NBEA: variants seen among roughly 807,000 people sequenced by gnomAD.
NBEA encodes the protein neurobeachin.
In NBEA, 44 loss-of-function variants were observed where a neutral mutation model predicts 343.4. The observed-to-expected ratio is 0.13, with a 90% CI of 0.10 to 0.16. The LOEUF (loss-of-function observed/expected upper bound fraction) is 0.16, where lower values mean the gene tolerates loss of function less well. NBEA is among the 10% of genes least tolerant of loss of function. The pLI is 1.00. For missense variants in NBEA, 2,555 were observed against 3,631.3 expected (o/e 0.70, Z 7.62); for synonymous variants, 1,175 against 1,238.7 (o/e 0.95, Z 1.08).
At chr13:35,355,259 T>A (rs2040428224) in intron 38 of NBEA, among the ~76,000 whole-genome samples, 1 of 151,768 alleles carries the variant, frequency 6.6e-6, no homozygotes, top group Non-Finnish European at 1.5e-5. Flanking sequence ...ATATAGTCTT[T>A]CTTTTTATAT....
intron 8 of NBEA, among the ~76,000 whole-genome samples, chr13:35,066,665 T>A (rs2063664313): frequency 6.6e-6 from 1 of 152,078 alleles, no homozygotes; most frequent in Admixed American, 6.6e-5. Flanking sequence ...TAAATATGTT[T>A]TTATCTTTGA....
At chr13:35,079,246 T>C (rs908455062) in intron 10 of NBEA, among the ~76,000 whole-genome samples, 1 of 152,162 alleles carries the variant, frequency 6.6e-6, no homozygotes, top group African/African-American at 2.4e-5. Flanking sequence ...ACAAAGAATG[T>C]TTTTCTAATT....
intron 48 of NBEA, among the ~76,000 whole-genome samples, chr13:35,613,459 A>C (rs1020329222): frequency 6.6e-6 from 1 of 152,122 alleles, no homozygotes; most frequent in African/African-American, 2.4e-5. Context: ...GTTGGTAGAC[A>C]CTTAGGTTGC....
chr13:35,418,542 G>A (rs2152921975), intron 38 of NBEA, among the ~76,000 whole-genome samples: 1 of 152,018 alleles, frequency 6.6e-6, no homozygotes, highest in East Asian at 1.9e-4. Context: ...TGAGAATATT[G>A]CCTAACACAA....
chr13:35,263,987 T>G (rs1037356571), intron 34 of NBEA, among the ~76,000 whole-genome samples: 7 of 131,724 alleles, frequency 5.3e-5, no homozygotes, highest in Non-Finnish European at 9.0e-5. Context: ...CAAAGAGTTG[T>G]TTTTTTTTTA....
chr13:35,282,425 A>T (rs2152812132), intron 34 of NBEA, among the ~76,000 whole-genome samples: 1 of 152,302 alleles, frequency 6.6e-6, no homozygotes, highest in African/African-American at 2.4e-5. Flanking sequence ...TTTGAACCAG[A>T]CATAGGTTAG....
At chr13:35,474,788 T>C in intron 41 of NBEA, 1 of 398,966 alleles carries the variant, frequency 2.5e-6, no homozygotes, top group Non-Finnish European at 4.5e-6. Flanking sequence ...GTTTACGGAG[T>C]GTTACGGTGT....
chr13:35,067,097 T>G (rs1402049939), intron 8 of NBEA, among the ~76,000 whole-genome samples: 1 of 152,122 alleles, frequency 6.6e-6, no homozygotes, highest in Non-Finnish European at 1.5e-5. Flanking sequence ...GTTATACATA[T>G]AGTATCTGTA....
intron 10 of NBEA, among the ~76,000 whole-genome samples, chr13:35,080,721 A>G (rs1334785598): frequency 4.6e-5 from 7 of 152,208 alleles, no homozygotes; most frequent in African/African-American, 1.7e-4. Context: ...TAGAAACATA[A>G]GGAGTTCTAG....
chr13:35,279,377 C>T (rs754658634), intron 34 of NBEA, among the ~76,000 whole-genome samples: 1 of 152,132 alleles, frequency 6.6e-6, no homozygotes, highest in African/African-American at 2.4e-5. Flanking sequence ...GTAGAGACTA[C>T]ATTAAAACCA....
At chr13:35,445,381 T>G (rs1275867241) in intron 39 of NBEA, among the ~76,000 whole-genome samples, 1 of 152,108 alleles carries the variant, frequency 6.6e-6, no homozygotes, top group Non-Finnish European at 1.5e-5. Context: ...CACATTTCCA[T>G]TGTCTCATTT....
chr13:35,515,511 A>C (rs1205517845), intron 41 of NBEA, among the ~76,000 whole-genome samples: 3 of 152,198 alleles, frequency 2.0e-5, no homozygotes, highest in Non-Finnish European at 4.4e-5. Flanking sequence ...GGCAGCTTTG[A>C]TTATTAATTA....
rs1358428892 is a variant in NBEA at position 35,445,301 on chromosome 13, CTCT to C, written c.6305-6789_6305-6787del. Reference sequence around the variant, plus strand: ...TTATGTATTCAGTATACTTTTTATCCTCTTGTTTTATTTATTTTATCAAAATTT... The same window carrying C: ...TTATGTATTCAGTATACTTTTTATCCTGTTTTATTTATTTTATCAAAATTT... On this transcript the variant is annotated intron_variant, in intron 39 of 58. Coordinates refer to ENST00000379939, the MANE Select transcript of NBEA (RefSeq NM_001385012.1). Among the ~76,000 whole-genome samples, 6 of 151,994 alleles carry C rather than the reference CTCT, an allele frequency of 3.9e-5. No homozygotes were observed. The East Asian group carries it at 1.2e-3, about 29-fold the overall frequency.
chr13:35,061,548 T>C (rs1006950655), intron 8 of NBEA, among the ~76,000 whole-genome samples: 1 of 151,788 alleles, frequency 6.6e-6, no homozygotes, highest in African/African-American at 2.4e-5. Flanking sequence ...TTCTCAGTGT[T>C]ATGTTAACCC....
intron 7 of NBEA, among the ~76,000 whole-genome samples, chr13:35,057,778 T>G (rs1451602314): frequency 1.3e-5 from 2 of 152,124 alleles, no homozygotes; most frequent in Non-Finnish European, 2.9e-5. Flanking sequence ...TTTGGTTATT[T>G]GTAATAGTGC....
At chr13:35,306,619 G>C (rs1311804844) in intron 35 of NBEA, among the ~76,000 whole-genome samples, 1 of 151,414 alleles carries the variant, frequency 6.6e-6, no homozygotes, top group East Asian at 1.9e-4. Context: ...TTCTAATATT[G>C]GTCTGTGTCT....
chr13:35,171,293 G>A lies in NBEA; in HGVS notation c.4264G>A (p.Val1422Met). ...AAAGACGGAATTGGAAAATATTGAA[G>A]TGACACAAGGCATGTCAGCTGAGAC... ...GSKTELENIEVTQGMSAETAV... is the reference protein window; with the variant it reads ...GSKTELENIEMTQGMSAETAV... The change falls in exon 26 of 59, where the codon GTG becomes ATG. Residue 1422 changes from valine (V) to methionine (M), a missense_variant. By Grantham distance (21) the Val-to-Met change is conservative. Around this residue, in one of 21 missense-constraint regions of NBEA, gnomAD observed 168 missense variants for 193.0 expected, o/e 0.87. Transcript: ENST00000379939. 6.2e-7 allele frequency: 1 copy of A among 1,610,444 alleles called. No homozygotes were observed.
At chr13:35,142,927 A>G (rs117821768) in intron 18 of NBEA, among the ~76,000 whole-genome samples, 6,968 of 152,250 alleles carry the variant, frequency 0.046, 242 homozygotes, top group Non-Finnish European at 0.067. Context: ...AAATAGGTAT[A>G]CTACCTCACA....
At chr13:35,280,540 C>A (rs190052169) in intron 34 of NBEA, among the ~76,000 whole-genome samples, 1 of 152,150 alleles carries the variant, frequency 6.6e-6, no homozygotes, top group East Asian at 1.9e-4. Context: ...CATCATTTAG[C>A]TTGCTTACCA....
Sources: allele counts gnomAD v4.1 joint callset (sites outside exome capture counted in the v4.1 genomes callset), GRCh38; gene constraint gnomAD v4.1.1; regional missense constraint gnomAD v4.1.1; transcripts MANE v1.5; gene names NCBI Gene and HGNC (gene_info 2026-07-23, HGNC 2026-07-21).